Variants in SHISA9 observed in about 807,000 individuals in gnomAD.
SHISA9 encodes shisa family member 9.
In SHISA9, 13 loss-of-function variants were observed where a neutral mutation model predicts 38.0. That is an observed-to-expected ratio of 0.34 (90% CI 0.22 to 0.54). The LOEUF (loss-of-function observed/expected upper bound fraction) is 0.54, where lower values mean the gene tolerates loss of function less well. SHISA9 is among the 20% of genes least tolerant of loss of function. SHISA9 has a pLI of 0.91. For missense variants in SHISA9, 538 were observed against 575.8 expected, an observed-to-expected ratio of 0.93 and a Z score of 0.67; for synonymous variants, 275 against 242.0, an observed-to-expected ratio of 1.14 and a Z score of -1.27.
intron 2 of SHISA9, among the ~76,000 whole-genome samples, chr16:13,080,672 C>T (rs1323329422): frequency 6.6e-6 from 1 of 152,192 alleles, no homozygotes; most frequent in East Asian, 1.9e-4. Context: ...TACCAGAATT[C>T]CTAGTGAATA....
At chr16:13,360,875 T>C in the SHISA9 span, among the ~76,000 whole-genome samples, 1 of 152,164 alleles carries the variant, frequency 6.6e-6, no homozygotes, top group Non-Finnish European at 1.5e-5. Context: ...CTCAGAGGGC[T>C]CCTGGTAAGA....
the SHISA9 span, among the ~76,000 whole-genome samples, chr16:13,326,376 G>C: frequency 6.6e-6 from 1 of 152,188 alleles, no homozygotes; most frequent in Non-Finnish European, 1.5e-5. Context: ...ACCAACACTG[G>C]AATAAATGAA....
At chr16:13,555,999 AAG>A in the SHISA9 span, among the ~76,000 whole-genome samples, 1 of 152,166 alleles carries the variant, frequency 6.6e-6, no homozygotes, top group African/African-American at 2.4e-5. Flanking sequence ...AGAAAAACAA[AAG>A]AGAGAAAATA....
At chr16:13,339,742 C>G in the SHISA9 span, among the ~76,000 whole-genome samples, 1 of 152,152 alleles carries the variant, frequency 6.6e-6, no homozygotes, top group Non-Finnish European at 1.5e-5. Flanking sequence ...GTTAAAGGCT[C>G]TGCTACCAGT....
the SHISA9 span, among the ~76,000 whole-genome samples, chr16:13,259,782 A>G: frequency 6.6e-6 from 1 of 152,124 alleles, no homozygotes; most frequent in South Asian, 2.1e-4. Context: ...TCAAGTCCCT[A>G]GGCTGCACAC....
At chr16:13,029,286 A>AATGGAGT (rs2072962670) in intron 2 of SHISA9, among the ~76,000 whole-genome samples, 1 of 152,206 alleles carries the variant, frequency 6.6e-6, no homozygotes, top group African/African-American at 2.4e-5. Flanking sequence ...ACACATACAC[A>AATGGAGT]ATGGAGTACT....
At chr16:13,125,255 C>G (rs1037464785) in intron 2 of SHISA9, among the ~76,000 whole-genome samples, 1 of 152,158 alleles carries the variant, frequency 6.6e-6, no homozygotes, top group South Asian at 2.1e-4. Flanking sequence ...ATAAGGAGCA[C>G]AAACAACTCT....
rs2071868435 is a variant in SHISA9, at chr16:12,958,709, C to T, written c.691+41894C>T. Among the ~76,000 whole-genome samples, 5 of 152,084 alleles carry T rather than the reference C, an allele frequency of 3.3e-5. No individual in the cohort carries two copies. The South Asian group carries it at 1.0e-3, about 32-fold the overall frequency. ...TTGTTCCACAGTCACTACATGAGGT[C>T]AGCTGGGAAGATATGAATGTATCTT... On this transcript the variant is annotated intron_variant, in intron 2 of 4. Coordinates refer to ENST00000558583, the MANE Select transcript of SHISA9 (RefSeq NM_001145204.3).
the SHISA9 span, among the ~76,000 whole-genome samples, chr16:13,354,006 C>T: frequency 6.6e-6 from 1 of 150,532 alleles, no homozygotes; most frequent in Admixed American, 6.6e-5. Flanking sequence ...TAGGAAAGGC[C>T]TCTACCTATC....
the SHISA9 span, among the ~76,000 whole-genome samples, chr16:13,421,139 C>CAG: frequency 6.6e-6 from 1 of 152,212 alleles, no homozygotes; most frequent in African/African-American, 2.4e-5. Context: ...CTTCATCCCT[C>CAG]AGGCCAGGTA....
At chr16:13,397,955 T>C in the SHISA9 span, among the ~76,000 whole-genome samples, 3 of 151,402 alleles carry the variant, frequency 2.0e-5, no homozygotes, top group Non-Finnish European at 4.4e-5. Context: ...GGAGATGGAG[T>C]GGGAAGGTGG....
At chr16:13,175,195 C>T (rs977092117) in intron 2 of SHISA9, among the ~76,000 whole-genome samples, 2 of 150,562 alleles carry the variant, frequency 1.3e-5, no homozygotes, top group South Asian at 2.1e-4. Flanking sequence ...AGTGAGACCC[C>T]GTCTCTCCAA....
At chr16:13,290,647 G>T in the SHISA9 span, among the ~76,000 whole-genome samples, 6 of 152,142 alleles carry the variant, frequency 3.9e-5, no homozygotes, top group African/African-American at 1.4e-4. Context: ...AAGGGGAGAT[G>T]ACAGAATGAA....
intron 2 of SHISA9, among the ~76,000 whole-genome samples, chr16:12,968,189 CAAAAAAAAAAAAAAAAAA>C (rs200194973): frequency 8.5e-5 from 7 of 82,002 alleles, no homozygotes; most frequent in Admixed American, 2.4e-4. Context: ...GGCTCCATCT[CAAAAAAAAAAAAAAAAAA>C]AAAAAAAAAA....
At chr16:13,416,743 A>AAAGGAAGG in the SHISA9 span, among the ~76,000 whole-genome samples, 193 of 113,518 alleles carry the variant, frequency 1.7e-3, 1 homozygote, top group African/African-American at 5.9e-3. Flanking sequence ...AGAAAGAAAG[A>AAAGGAAGG]AAGGAAGGAA....
intron 2 of SHISA9, among the ~76,000 whole-genome samples, chr16:13,077,968 G>A (rs2073602803): frequency 6.6e-6 from 1 of 152,142 alleles, no homozygotes; most frequent in Non-Finnish European, 1.5e-5. Context: ...TAAAAAGAAG[G>A]CAAGGAGGAC....
the SHISA9 span, among the ~76,000 whole-genome samples, chr16:13,522,551 C>T: frequency 6.6e-6 from 1 of 152,140 alleles, no homozygotes; most frequent in Non-Finnish European, 1.5e-5. Flanking sequence ...TGTCATTCCA[C>T]CTGTGCCTAT....
chr16:13,434,419 G>GTTTTTTTTTTTTTTTTTT, the SHISA9 span, among the ~76,000 whole-genome samples: 1,779 of 64,162 alleles, frequency 0.028, 242 homozygotes, highest in East Asian at 0.098. Flanking sequence ...GACAAGCTAT[G>GTTTTTTTTTTTTTTTTTT]TTTTTTTTTT....
chr16:13,225,105 A>G (rs2051266243), intron 4 of SHISA9, among the ~76,000 whole-genome samples: 1 of 152,144 alleles, frequency 6.6e-6, no homozygotes, highest in Non-Finnish European at 1.5e-5. Flanking sequence ...ACACACGCAC[A>G]CACACATACA....
Sources: gnomAD v4.1 joint callset for allele counts (sites outside exome capture counted in the v4.1 genomes callset) on GRCh38, gnomAD v4.1.1 for gene constraint, MANE v1.5 for transcripts, NCBI Gene and HGNC (gene_info 2026-07-23, HGNC 2026-07-21) for gene names.